Variants in HIVEP1 observed in about 807,000 individuals in gnomAD.
The protein encoded by HIVEP1 is zinc finger protein 40.
A neutral mutation model predicts 180.0 loss-of-function variants in HIVEP1; 36 were observed. That is an observed-to-expected ratio of 0.20 (90% confidence interval 0.15 to 0.26). HIVEP1 has a LOEUF of 0.26. Among genes scored for constraint, HIVEP1 ranks in the 10% least tolerant of loss-of-function variants. The probability of loss-of-function intolerance (pLI) is 1.00; values close to 1 mark genes in which losing one functional copy is unlikely to be tolerated. For synonymous variants in HIVEP1, 1,239 were observed against 1,239.0 expected, an observed-to-expected ratio of 1.00 and a Z score of 0.00; for missense variants, 3,143 against 3,268.7, an observed-to-expected ratio of 0.96 and a Z score of 0.94.
At chr6:12,083,448 C>T (rs185678459) in intron 2 of HIVEP1, among the ~76,000 whole-genome samples, 50 of 152,202 alleles carry the variant, frequency 3.3e-4, no homozygotes, top group East Asian at 1.2e-3. Flanking sequence ...TCTAGTGACC[C>T]TGGCAACTAT....
chr6:12,108,686 C>T (rs1048884237), intron 3 of HIVEP1, among the ~76,000 whole-genome samples: 210 of 152,304 alleles, frequency 1.4e-3, no homozygotes, highest in Non-Finnish European at 2.1e-3. Flanking sequence ...GCTCCGAGTG[C>T]GGGGCCCGCC....
At chr6:12,103,563 A>AT (rs551545045) in intron 3 of HIVEP1, among the ~76,000 whole-genome samples, 4,915 of 145,760 alleles carry the variant, frequency 0.034, 100 homozygotes, top group Admixed American at 0.045. Flanking sequence ...GAGACTTACT[A>AT]TTTTTTTTTT....
intron 1 of HIVEP1, among the ~76,000 whole-genome samples, chr6:12,013,043 TG>T (rs572167358): frequency 1.3e-3 from 203 of 150,638 alleles, no homozygotes; most frequent in African/African-American, 4.8e-3. Flanking sequence ...GGGCTCGCCT[TG>T]GGGTCGGGCT....
rs141295450 is a variant in HIVEP1 at position 12,102,239 on chromosome 6, C to A, written c.94+13002C>A. On this transcript the variant is annotated intron_variant, in intron 3 of 8. Transcript: ENST00000379388. ...GAAATAGAAGGCTTGACTACCAACA[C>A]TGTAAGCCAAGTAGACCTAAATACT... Among the ~76,000 whole-genome samples, 453 of 152,282 alleles carry A rather than the reference C, an allele frequency of 3.0e-3. 2 individuals are homozygous for A. Among genetic ancestry groups the A allele is most frequent in the African/African-American group, 0.01 (434 of 41,554 alleles).
chr6:12,168,162 C>T (rs147858572), downstream of HIVEP1, among the ~76,000 whole-genome samples: 894 of 72,016 alleles, frequency 0.012, 116 homozygotes, highest in South Asian at 0.031. Context: ...TACAGATATA[C>T]GTGTATATCT....
chr6:12,047,483 C>G (rs1770216487), intron 2 of HIVEP1, among the ~76,000 whole-genome samples: 1 of 152,238 alleles, frequency 6.6e-6, no homozygotes, highest in Non-Finnish European at 1.5e-5. Context: ...GTGCTGCTAC[C>G]TCGTGGTCCC....
chr6:12,086,505 G>T (rs1420887663), intron 2 of HIVEP1, among the ~76,000 whole-genome samples: 2 of 152,014 alleles, frequency 1.3e-5, no homozygotes, highest in African/African-American at 2.4e-5. Context: ...GCATGATGGG[G>T]GATGTCTTAG....
chr6:12,068,941 A>G (rs1771782863), intron 2 of HIVEP1, among the ~76,000 whole-genome samples: 3 of 152,146 alleles, frequency 2.0e-5, no homozygotes, highest in Non-Finnish European at 2.9e-5. Flanking sequence ...AGCCTTACCA[A>G]TTTCTTGTCA....
At chr6:12,174,716 T>C in the HIVEP1 span, among the ~76,000 whole-genome samples, 1 of 152,198 alleles carries the variant, frequency 6.6e-6, no homozygotes, top group Non-Finnish European at 1.5e-5. Context: ...GAATCGTATG[T>C]TCTTTAGAAT....
Position 12,164,532 on chromosome 6 carries a change from T to C in HIVEP1, c.*71T>C. The C allele has an allele frequency of 8.6e-7, 1 of 1,164,518 alleles. No homozygotes were observed. Among genetic ancestry groups the C allele is most frequent in the Non-Finnish European group, 1.2e-6 (1 of 841,280 alleles). 72.1% of individuals were successfully genotyped at this position (1,164,518 alleles called of 1,614,324 possible). On this transcript the variant is annotated 3_prime_UTR_variant, in exon 9 of 9. Coordinates refer to ENST00000379388, the MANE Select transcript of HIVEP1 (RefSeq NM_002114.4). ...GTTTCTTTGAAAACCCTCCTTTCCT[T>C]AAAGCACATTTTTCTGACATAAACT... is the stretch of plus-strand genomic sequence containing the variant.
chr6:12,210,991 T>A, the HIVEP1 span, among the ~76,000 whole-genome samples: 1 of 151,994 alleles, frequency 6.6e-6, no homozygotes, highest in Non-Finnish European at 1.5e-5. Flanking sequence ...TACATATATA[T>A]GTGGGAGACT....
intron 2 of HIVEP1, among the ~76,000 whole-genome samples, chr6:12,017,204 A>G (rs1237627074): frequency 6.6e-6 from 1 of 152,178 alleles, no homozygotes; most frequent in African/African-American, 2.4e-5. Flanking sequence ...TAAATGTTCA[A>G]CTCAGCACAT....
In HIVEP1 at chr6:12,121,219, T is replaced by G. The variant is rs1181607110; in HGVS notation, c.1424T>G (p.Leu475Trp). The change falls in exon 4 of 9, where the codon TTG (leucine) becomes TGG (tryptophan). Residue 475 changes from leucine to tryptophan, a missense_variant. Around this residue, in one of 12 missense-constraint regions of HIVEP1, gnomAD observed 365 missense variants for 344.4 expected, o/e 1.06. Transcript: ENST00000379388. The surrounding 1 kb of genome is among the most constrained non-coding windows in gnomAD (Gnocchi z 5.3). ...VLQPDAGGLF[L>W]SHESPKALSI... ...CAACCAGATGCTGGTGGCTTGTTCT[T>G]GTCCCACGAGTCCCCCAAAGCACTT... 2 of 1,614,190 alleles carry G rather than the reference T, an allele frequency of 1.2e-6. No homozygotes were observed. The highest frequency in any genetic ancestry group is 1.7e-6 in the Non-Finnish European group (2 of 1,180,038).
At chr6:12,100,169 A>T (rs747777241) in intron 3 of HIVEP1, among the ~76,000 whole-genome samples, 4 of 152,006 alleles carry the variant, frequency 2.6e-5, no homozygotes, top group Non-Finnish European at 5.9e-5. Context: ...AATCAAGGGG[A>T]GTTCACATTT....
At chr6:12,058,560 T>C (rs1771019837) in intron 2 of HIVEP1, among the ~76,000 whole-genome samples, 1 of 152,216 alleles carries the variant, frequency 6.6e-6, no homozygotes, top group African/African-American at 2.4e-5. Flanking sequence ...GAATAAAATA[T>C]GGCTGTTGCC....
At chr6:12,095,627 C>G (rs1773739314) in intron 3 of HIVEP1, among the ~76,000 whole-genome samples, 1 of 151,548 alleles carries the variant, frequency 6.6e-6, no homozygotes. Context: ...TTCTGAATAC[C>G]ATGTAATCAA....
intron 2 of HIVEP1, among the ~76,000 whole-genome samples, chr6:12,084,267 G>T (rs1424236924): frequency 6.6e-6 from 1 of 152,086 alleles, no homozygotes; most frequent in Non-Finnish European, 1.5e-5. Context: ...TTGAGTCTTT[G>T]ATTTCTTTTT....
chr6:12,024,043 C>T (rs1768422285), intron 2 of HIVEP1, among the ~76,000 whole-genome samples: 1 of 152,120 alleles, frequency 6.6e-6, no homozygotes, highest in Non-Finnish European at 1.5e-5. Flanking sequence ...TCTTTAAAAA[C>T]ATTTTTGCAG....
chr6:12,178,139 T>A, the HIVEP1 span, among the ~76,000 whole-genome samples: 1 of 152,274 alleles, frequency 6.6e-6, no homozygotes, highest in African/African-American at 2.4e-5. Context: ...AGGCAAAACT[T>A]TGGTACTACC....
Sources: gnomAD v4.1 joint callset for allele counts (sites outside exome capture counted in the v4.1 genomes callset) on GRCh38, gnomAD v4.1.1 for gene constraint, gnomAD v4.1.1 regional missense constraint, Gnocchi (gnomAD v3.1) non-coding constraint, MANE v1.5 for transcripts, NCBI Gene and HGNC (gene_info 2026-07-23, HGNC 2026-07-21) for gene names.